UNC5D: variants seen among roughly 807,000 people sequenced by gnomAD.
The protein encoded by UNC5D is unc-5 netrin receptor D.
UNC5D carries 39 observed loss-of-function variants against 105.4 expected under a neutral mutation model. The ratio of observed to expected loss-of-function variants is 0.37; its 90% confidence interval spans 0.29 to 0.48. The LOEUF is 0.48. UNC5D is among the 20% of genes least tolerant of loss of function. The probability of loss-of-function intolerance (pLI) is 0.98; values close to 1 mark genes in which losing one functional copy is unlikely to be tolerated. For missense variants in UNC5D, 991 were observed against 1,202.4 expected (o/e 0.82, Z 2.60); for synonymous variants, 452 against 450.4 (o/e 1.00, Z -0.04).
intron 1 of UNC5D, among the ~76,000 whole-genome samples, chr8:35,461,690 C>T (rs1808907241): frequency 6.6e-6 from 1 of 152,172 alleles, no homozygotes; most frequent in Non-Finnish European, 1.5e-5. Flanking sequence ...TTCATTTGCG[C>T]TCACAGCACC....
At position 35,389,033 on chromosome 8, in the gene UNC5D, A is replaced by G. The variant is rs1019531972; in HGVS notation, c.103+153146A>G. Among the ~76,000 whole-genome samples, 10 of 152,204 alleles carry G rather than the reference A, an allele frequency of 6.6e-5. 1 individual carries two copies. Among genetic ancestry groups the G allele is most frequent in the Admixed American group, 6.5e-4 (10 of 15,282 alleles). ...TCTTTCACTAATTTCAGAATTGACA[A>G]GTGAACTTGGAATCATTTAGGGTTT... is the stretch of plus-strand genomic sequence containing the variant. On this transcript the variant is annotated intron_variant, in intron 1 of 16. Coordinates refer to ENST00000404895, the MANE Select transcript of UNC5D (RefSeq NM_080872.4).
In UNC5D at chr8:35,512,569, A is replaced by ATATATATATATCTATC. The variant is rs539399345; in HGVS notation, c.104-36722_104-36721insATATATATATCTATCT. On this transcript the variant is annotated intron_variant, in intron 1 of 16. Coordinates refer to ENST00000404895, the MANE Select transcript of UNC5D (RefSeq NM_080872.4). ...TATATATATATATATATATATATAT[A>ATATATATATATCTATC]TCTGAATAGATTACTAAATGGAGAT... Among the ~76,000 whole-genome samples the ATATATATATATCTATC allele has an allele frequency of 6.2e-5, 4 of 64,822 alleles. 1 individual carries two copies. The highest frequency in any genetic ancestry group is 3.2e-4 in the African/African-American group (4 of 12,432). The allele number at this position is 64,822 out of a possible 152,430, so 42.5% of individuals were successfully genotyped here.
At chr8:35,239,147 A>G (rs576557621) in intron 1 of UNC5D, among the ~76,000 whole-genome samples, 1 of 152,290 alleles carries the variant, frequency 6.6e-6, no homozygotes, top group South Asian at 2.1e-4. Context: ...ACCTAGCCCT[A>G]TAATGATAGC....
intron 16 of UNC5D, among the ~76,000 whole-genome samples, chr8:35,778,085 C>A (rs1267887752): frequency 6.6e-6 from 1 of 152,176 alleles, no homozygotes; most frequent in Non-Finnish European, 1.5e-5. Flanking sequence ...TATCAGCCTT[C>A]ATGTCCTGTT....
intron 4 of UNC5D, among the ~76,000 whole-genome samples, chr8:35,621,226 G>T (rs929579084): frequency 7.9e-5 from 12 of 152,240 alleles, no homozygotes; most frequent in African/African-American, 2.9e-4. Context: ...CATATAGCAG[G>T]TGCTTAATAA....
chr8:35,247,637 A>T (rs13260977), intron 1 of UNC5D, among the ~76,000 whole-genome samples: 1 of 43,444 alleles, frequency 2.3e-5, no homozygotes, highest in African/African-American at 7.3e-5. Flanking sequence ...TATATAATAT[A>T]TAAATATATA....
intron 2 of UNC5D, among the ~76,000 whole-genome samples, chr8:35,565,003 T>A (rs953720320): frequency 6.6e-6 from 1 of 152,204 alleles, no homozygotes; most frequent in African/African-American, 2.4e-5. Context: ...TGACGGGCCC[T>A]TAGCTTGATT....
intron 11 of UNC5D, among the ~76,000 whole-genome samples, chr8:35,733,985 A>AT (rs796178732): frequency 0.028 from 4,085 of 148,322 alleles, 168 homozygotes; most frequent in African/African-American, 0.094. Context: ...AAACCCAGTG[A>AT]TTTTTTTTTT....
intron 1 of UNC5D, among the ~76,000 whole-genome samples, chr8:35,296,968 A>T (rs371430716): frequency 6.6e-6 from 1 of 152,200 alleles, no homozygotes; most frequent in African/African-American, 2.4e-5. Context: ...ATAGTAACAG[A>T]TTTCTTAAAG....
intron 1 of UNC5D, among the ~76,000 whole-genome samples, chr8:35,471,771 G>A (rs537542532): frequency 6.6e-6 from 1 of 152,240 alleles, no homozygotes; most frequent in East Asian, 1.9e-4. Context: ...ACGCATACTG[G>A]TAAAGACATC....
intron 1 of UNC5D, among the ~76,000 whole-genome samples, chr8:35,260,422 C>T (rs920889455): frequency 2.6e-5 from 4 of 152,224 alleles, no homozygotes; most frequent in Non-Finnish European, 5.9e-5. Context: ...CCACAAAGTA[C>T]ACACGACCAA....
chr8:35,565,728 A>G (rs1016769879), intron 2 of UNC5D, among the ~76,000 whole-genome samples: 2 of 152,142 alleles, frequency 1.3e-5, no homozygotes, highest in Non-Finnish European at 2.9e-5. Context: ...CTTTAATCCA[A>G]TTTGAGTTAA....
intron 4 of UNC5D, among the ~76,000 whole-genome samples, chr8:35,601,023 G>T (rs1415434190): frequency 6.6e-6 from 1 of 152,040 alleles, no homozygotes; most frequent in Non-Finnish European, 1.5e-5. Context: ...CATATGGCTA[G>T]CCAGTTTTCC....
intron 1 of UNC5D, among the ~76,000 whole-genome samples, chr8:35,277,637 A>G (rs1239048630): frequency 1.3e-5 from 2 of 151,890 alleles, no homozygotes; most frequent in Non-Finnish European, 2.9e-5. Flanking sequence ...GTTGTCTCTC[A>G]TTATGTGAGC....
chr8:35,355,251 G>C (rs1263302121), intron 1 of UNC5D, among the ~76,000 whole-genome samples: 8 of 152,180 alleles, frequency 5.3e-5, no homozygotes, highest in Non-Finnish European at 1.0e-4. Flanking sequence ...CCTAAAGACT[G>C]TATTGGGAAG....
intron 11 of UNC5D, among the ~76,000 whole-genome samples, chr8:35,735,877 G>T (rs748230964): frequency 6.6e-6 from 1 of 152,136 alleles, no homozygotes; most frequent in South Asian, 2.1e-4. Context: ...TATTTGAGAG[G>T]ACCTCATCTC....
At chr8:35,266,447 A>C (rs1036323585) in intron 1 of UNC5D, among the ~76,000 whole-genome samples, 1 of 152,206 alleles carries the variant, frequency 6.6e-6, no homozygotes, top group African/African-American at 2.4e-5. Flanking sequence ...AGGTTTGCCA[A>C]ATGGTTAGGT....
intron 1 of UNC5D, among the ~76,000 whole-genome samples, chr8:35,366,645 A>G (rs1005683814): frequency 1.3e-5 from 2 of 151,962 alleles, no homozygotes; most frequent in Non-Finnish European, 2.9e-5. Flanking sequence ...ACCACCCACA[A>G]CCTATTTGCT....
At chr8:35,740,091 G>T (rs1473411720) in intron 11 of UNC5D, among the ~76,000 whole-genome samples, 1 of 151,726 alleles carries the variant, frequency 6.6e-6, no homozygotes, top group Non-Finnish European at 1.5e-5. Context: ...CGTGGTGTCT[G>T]AGAGACAATA....
Sources: gnomAD v4.1 joint callset for allele counts (sites outside exome capture counted in the v4.1 genomes callset) on GRCh38, gnomAD v4.1.1 for gene constraint, MANE v1.5 for transcripts, NCBI Gene and HGNC (gene_info 2026-07-23, HGNC 2026-07-21) for gene names.